TTC34: variants seen among roughly 807,000 people sequenced by gnomAD.
The protein encoded by TTC34 is tetratricopeptide repeat domain 34, also known as tetratricopeptide repeat protein 34.
TTC34 carries 44 observed loss-of-function variants against 40.7 expected under a neutral mutation model. The observed-to-expected ratio is 1.08, with a 90% CI of 0.85 to 1.39. The LOEUF (loss-of-function observed/expected upper bound fraction) is 1.39, where lower values mean the gene tolerates loss of function less well. Among genes scored for constraint, TTC34 ranks in the 40% most tolerant of loss-of-function variants. The pLI, the probability that TTC34 is intolerant of heterozygous loss-of-function variation, is 0.00. For synonymous variants in TTC34, 422 were observed against 398.6 expected (o/e 1.06, Z -0.70); for missense variants, 884 against 838.0 (o/e 1.05, Z -0.68).
At chr1:2,773,257 C>G (rs1245506689) in intron 6 of TTC34, among the ~76,000 whole-genome samples, 1 of 121,772 alleles carries the variant, frequency 8.2e-6, no homozygotes, top group South Asian at 3.0e-4. Flanking sequence ...AGCACCCACA[C>G]CCCCAGGTGA....
intron 8 of TTC34, among the ~76,000 whole-genome samples, chr1:2,642,960 G>T (rs1570744330): frequency 6.6e-6 from 1 of 152,220 alleles, no homozygotes. Context: ...CCTGCGGTGC[G>T]GCCCGCGGGA....
At chr1:2,695,794 AC>A (rs1557626154) in intron 6 of TTC34, among the ~76,000 whole-genome samples, 5 of 151,818 alleles carry the variant, frequency 3.3e-5, no homozygotes, top group African/African-American at 1.2e-4. Context: ...CAGCACGCAC[AC>A]CCCCAGTTGA....
chr1:2,759,400 C>T (rs1205981968), intron 6 of TTC34, among the ~76,000 whole-genome samples: 1 of 112,314 alleles, frequency 8.9e-6, no homozygotes, highest in African/African-American at 3.7e-5. Flanking sequence ...ACCCACACCC[C>T]CAGGTGGGCA....
chr1:2,685,815 G>C (rs1640310664), intron 6 of TTC34, among the ~76,000 whole-genome samples: 2 of 149,270 alleles, frequency 1.3e-5, no homozygotes, highest in South Asian at 4.2e-4. Context: ...GTGAGCATCT[G>C]ACAGACTGGA....
chr1:2,687,888 C>A (rs1248526423), intron 6 of TTC34, among the ~76,000 whole-genome samples: 2 of 98,404 alleles, frequency 2.0e-5, no homozygotes, highest in Non-Finnish European at 4.4e-5. Context: ...AACCCACATC[C>A]CCAGGTGAGC....
chr1:2,686,594 A>C (rs1640360959), intron 6 of TTC34, among the ~76,000 whole-genome samples: 1 of 148,392 alleles, frequency 6.7e-6, no homozygotes, highest in Non-Finnish European at 1.5e-5. Context: ...CTGGAACAGC[A>C]CACACACCCC....
intron 6 of TTC34, among the ~76,000 whole-genome samples, chr1:2,693,658 T>C (rs1284688708): frequency 2.2e-3 from 46 of 20,886 alleles, no homozygotes; most frequent in South Asian, 4.0e-3. Context: ...CCTGGAGCAG[T>C]GCCCACACCC....
At chr1:2,687,044 C>A (rs1391222073) in intron 6 of TTC34, among the ~76,000 whole-genome samples, 10 of 146,802 alleles carry the variant, frequency 6.8e-5, no homozygotes, top group African/African-American at 1.3e-4. Flanking sequence ...GCACCCACAA[C>A]CCCAGGCGTG....
At chr1:2,653,107 G>A (rs562284787) in intron 6 of TTC34, among the ~76,000 whole-genome samples, 10 of 148,994 alleles carry the variant, frequency 6.7e-5, no homozygotes, top group African/African-American at 2.2e-4. Flanking sequence ...GCATCCGACA[G>A]CCTGGAGCAG....
At chr1:2,751,767 A>G (rs1327658615) in intron 6 of TTC34, among the ~76,000 whole-genome samples, 3 of 144,706 alleles carry the variant, frequency 2.1e-5, no homozygotes, top group East Asian at 4.2e-4. Flanking sequence ...AGCACCCCAC[A>G]CCCACAGGTG....
intron 6 of TTC34, among the ~76,000 whole-genome samples, chr1:2,752,833 C>G (rs1641369049): frequency 6.8e-6 from 1 of 147,548 alleles, no homozygotes; most frequent in Non-Finnish European, 1.5e-5. Flanking sequence ...GCGCACCTGA[C>G]AGACTGGAAC....
chr1:2,753,339 C>A (rs1272001022), intron 6 of TTC34, among the ~76,000 whole-genome samples: 1 of 123,360 alleles, frequency 8.1e-6, no homozygotes. Context: ...CCCACACCCC[C>A]AGACGAGCAT....
At chr1:2,753,356 G>A (rs1174496654) in intron 6 of TTC34, among the ~76,000 whole-genome samples, 4 of 121,092 alleles carry the variant, frequency 3.3e-5, no homozygotes, top group Non-Finnish European at 6.6e-5. Context: ...GCATCTGACA[G>A]CCTAGAACAG....
intron 6 of TTC34, among the ~76,000 whole-genome samples, chr1:2,689,893 AAACCCCCAGGTGAGCATCT>A (rs1640536050): frequency 1.6e-5 from 1 of 61,264 alleles, no homozygotes. Flanking sequence ...AACAGCACGC[AAACCCCCAGGTGAGCATCT>A]CACAGCTTGG....
chr1:2,794,675 T>C (rs1643696200), intron 2 of TTC34, among the ~76,000 whole-genome samples: 1 of 152,208 alleles, frequency 6.6e-6, no homozygotes. Flanking sequence ...CTCCTCGTAA[T>C]TGATTTTAAA....
At position 2,796,784 on chromosome 1, in the gene TTC34, T is replaced by A. The variant is rs1194221088; in HGVS notation, c.784+3260A>T. ...TCACGATTCGGTGTGACTTTGTTGA[T>A]CATTTTCTGGTAATGCTCAACATAT... On this transcript the variant is annotated intron_variant, in intron 2 of 8. Transcript: ENST00000401095. This position sits in a 1 kb window ranked among gnomAD's most constrained non-coding sequence, Gnocchi z 4.5. Among the ~76,000 whole-genome samples the A allele has an allele frequency of 6.6e-6, 1 of 152,152 alleles. No homozygotes were observed. Among genetic ancestry groups the A allele is most frequent in the African/African-American group, 2.4e-5 (1 of 41,418 alleles).
At chr1:2,684,863 G>T (rs201026826) in intron 6 of TTC34, among the ~76,000 whole-genome samples, 1 of 110,780 alleles carries the variant, frequency 9.0e-6, no homozygotes. Flanking sequence ...TGACAGCCTG[G>T]AGCAGCACCC....
chr1:2,776,213 T>A (rs1643147659), intron 6 of TTC34: 1 of 104,466 alleles, frequency 9.6e-6, no homozygotes, highest in Admixed American at 8.9e-5. Flanking sequence ...CACAGCCAGG[T>A]GAGCAGCTGA....
At position 2,644,317 on chromosome 1, in the gene TTC34, G is replaced by T. The variant is rs781222889; in HGVS notation, c.2659C>A (p.Leu887Ile). The T allele has an allele frequency of 2.0e-6, 3 of 1,535,778 alleles. No individual in the cohort carries two copies. In the South Asian group the frequency reaches 3.6e-5, roughly 18 times the overall value. ...TCCAGGAGATGCAGCAGGCAGCTGA[G>T]ATCCGGGGCATCCACCTCGGCCAGG... The change falls in exon 8 of 9, where the codon CTC (leucine) becomes ATC (isoleucine). Residue 887 changes from leucine to isoleucine, a missense_variant. Physicochemically the swap from Leu to Ile is conservative, Grantham distance 5. Transcript: ENST00000401095.
Sources: allele counts gnomAD v4.1 joint callset (sites outside exome capture counted in the v4.1 genomes callset), GRCh38; gene constraint gnomAD v4.1.1; non-coding constraint Gnocchi (gnomAD v3.1); transcripts MANE v1.5; gene names NCBI Gene and HGNC (gene_info 2026-07-23, HGNC 2026-07-21).